PRICKLE2: variants seen among roughly 807,000 people sequenced by gnomAD.
PRICKLE2 encodes prickle planar cell polarity protein 2, also known as prickle-like protein 2.
In PRICKLE2, 21 loss-of-function variants were observed where a neutral mutation model predicts 81.4. The ratio of observed to expected loss-of-function variants is 0.26; its 90% CI spans 0.18 to 0.37. The LOEUF is 0.37. Ranked by LOEUF, PRICKLE2 falls within the 10% of genes least tolerant of loss-of-function variation. The pLI, the probability that PRICKLE2 is intolerant of heterozygous loss-of-function variation, is 1.00. For synonymous variants in PRICKLE2, 456 were observed against 421.5 expected (o/e 1.08, Z -1.00); for missense variants, 940 against 1,109.0 (o/e 0.85, Z 2.16).
intron 2 of PRICKLE2, among the ~76,000 whole-genome samples, chr3:64,182,879 G>C (rs564779799): frequency 2.6e-5 from 4 of 151,662 alleles, no homozygotes; most frequent in Admixed American, 6.6e-5. Flanking sequence ...AACTGGGAAG[G>C]CTTCATTAAA....
At chr3:64,124,685 C>T (rs1422821541) in intron 7 of PRICKLE2, among the ~76,000 whole-genome samples, 1 of 152,158 alleles carries the variant, frequency 6.6e-6, no homozygotes, top group Non-Finnish European at 1.5e-5. Context: ...TGGATGACAG[C>T]AAATAAGCTT....
intron 2 of PRICKLE2, among the ~76,000 whole-genome samples, chr3:64,188,627 T>C (rs566030057): frequency 6.6e-6 from 1 of 152,344 alleles, no homozygotes; most frequent in East Asian, 1.9e-4. Context: ...CCAGCTCAAA[T>C]GTCACTTCTG....
intron 3 of PRICKLE2, 131 bp downstream of exon 3, chr3:64,162,885 A>C: frequency 1.3e-6 from 1 of 779,064 alleles, no homozygotes; most frequent in African/African-American, 1.7e-5. Context: ...GCCCTAATTA[A>C]GGAAGCTAAA....
At chr3:64,211,580 A>C (rs2107136361) in intron 1 of PRICKLE2, among the ~76,000 whole-genome samples, 1 of 152,360 alleles carries the variant, frequency 6.6e-6, no homozygotes, top group Non-Finnish European at 1.5e-5. Flanking sequence ...AGAGGGAGAG[A>C]ATAAGCAGCA....
intron 7 of PRICKLE2, among the ~76,000 whole-genome samples, chr3:64,109,599 A>T (rs562120269): frequency 6.6e-6 from 1 of 152,094 alleles, no homozygotes; most frequent in African/African-American, 2.4e-5. Context: ...GGGGTGGGGG[A>T]GGAGGGGAGT....
At position 64,094,606 on chromosome 3, in the gene PRICKLE2, G is replaced by A. The variant is rs916412866; in HGVS notation, c.*4445C>T. 3 of 152,224 alleles carry A rather than the reference G, an allele frequency of 2.0e-5. No homozygotes were observed. Among genetic ancestry groups the A allele is most frequent in the Middle Eastern group, 3.2e-3 (1 of 316 alleles). 9.4% of individuals were successfully genotyped at this position (152,224 alleles called of 1,614,324 possible). A position where few individuals can be genotyped will look rare whatever the true frequency, so the allele number is the denominator to read the frequency against. Reference sequence around the variant, plus strand: ...CCCAATAGTGAGTCATATTTTATGGGAGTCTTGTGTTGACTAGGCTACTAT... The same window carrying A: ...CCCAATAGTGAGTCATATTTTATGGAAGTCTTGTGTTGACTAGGCTACTAT... On this transcript the variant is annotated 3_prime_UTR_variant, in exon 8 of 8. Transcript: ENST00000638394.
chr3:64,110,705 G>A (rs152292), intron 7 of PRICKLE2, among the ~76,000 whole-genome samples: 139,732 of 152,036 alleles, frequency 0.92, 65,177 homozygotes, highest in Non-Finnish European at 1. Flanking sequence ...TTTTGTACTA[G>A]AGAAGGTGCC....
At chr3:64,202,736 C>G (rs1482101440) in intron 1 of PRICKLE2, among the ~76,000 whole-genome samples, 4 of 147,842 alleles carry the variant, frequency 2.7e-5, no homozygotes, top group Admixed American at 6.8e-5. Flanking sequence ...TTACTTTTTC[C>G]TTTTTAATCT....
intron 2 of PRICKLE2, chr3:64,174,830 G>A (rs888245250): frequency 2.8e-5 from 6 of 214,496 alleles, no homozygotes; most frequent in East Asian, 2.2e-4. Flanking sequence ...AGAAAGAATG[G>A]TGATTTGGGC....
At position 64,099,710 on chromosome 3, in the gene PRICKLE2, T is replaced by G. The variant is rs1227637171; in HGVS notation, c.1876A>C (p.Asn626His). 3.1e-6 allele frequency: 5 copies of G among 1,614,088 alleles called. No individual in the cohort carries two copies. In the Admixed American group the frequency reaches 8.3e-5, roughly 27 times the overall value. The change falls in exon 8 of 8, where the codon AAC (asparagine) becomes CAC (histidine). Residue 626 changes from asparagine to histidine, a missense_variant. Physicochemically the swap from Asn to His is moderately conservative, Grantham distance 68 (BLOSUM62 1). Around this residue, in one of 2 missense-constraint regions of PRICKLE2, gnomAD observed 670 missense variants for 717.2 expected, o/e 0.93. Coordinates refer to ENST00000638394, the MANE Select transcript of PRICKLE2 (RefSeq NM_198859.4). This position sits in a 1 kb window ranked among gnomAD's most constrained non-coding sequence, Gnocchi z 4.3. ...EMEGNLHQLS[N>H]PIGYRDLQSH... ...TGCAGGTCTCTGTAGCCAATGGGGTTGCTGAGCTGGTGGAGGTTTCCCTCC... is the reference window on the plus strand; with the variant it reads ...TGCAGGTCTCTGTAGCCAATGGGGTGGCTGAGCTGGTGGAGGTTTCCCTCC...
At chr3:64,196,652 C>T (rs2078460119) in intron 2 of PRICKLE2, among the ~76,000 whole-genome samples, 1 of 152,140 alleles carries the variant, frequency 6.6e-6, no homozygotes, top group Non-Finnish European at 1.5e-5. Flanking sequence ...GCCTTCAATT[C>T]TCATGGAGAT....
chr3:64,147,294 T>G lies in PRICKLE2; in HGVS notation c.1196A>C (p.Glu399Ala). The change falls in exon 7 of 8, where the codon GAG becomes GCG. Residue 399 changes from glutamate to alanine, a missense_variant. Coordinates refer to ENST00000638394, the MANE Select transcript of PRICKLE2 (RefSeq NM_198859.4). This position sits in a 1 kb window ranked among gnomAD's most constrained non-coding sequence, Gnocchi z 5.0. ...CATCTTGTTCCCATAATGGTAGGGCTCTTCCCGGCTCCTCCAGATGGGGTC... is the reference window on the plus strand; with the variant it reads ...CATCTTGTTCCCATAATGGTAGGGCGCTTCCCGGCTCCTCCAGATGGGGTC... ...NRDPIWRSRE[E>A]PYHYGNKMEQ... 1 of 1,613,492 alleles carries G rather than the reference T, an allele frequency of 6.2e-7. No individual in the cohort carries two copies. Among genetic ancestry groups the G allele is most frequent in the Non-Finnish European group, 8.5e-7 (1 of 1,179,516 alleles).
chr3:64,176,089 A>G (rs1262044220), intron 2 of PRICKLE2, among the ~76,000 whole-genome samples: 2 of 152,194 alleles, frequency 1.3e-5, no homozygotes, highest in African/African-American at 2.4e-5. Context: ...GGGTAAGGGT[A>G]AGAGGCAGAT....
chr3:64,165,601 A>C (rs368457787), intron 2 of PRICKLE2, among the ~76,000 whole-genome samples: 6 of 151,786 alleles, frequency 4.0e-5, no homozygotes, highest in African/African-American at 1.2e-4. Context: ...TGTAGCCTTG[A>C]CCTCCTGGGC....
In PRICKLE2 at chr3:64,148,746, A is replaced by G. The variant is rs539332105; in HGVS notation, c.788-1044T>C. The stretch of plus-strand genomic sequence containing the variant: ...AGGGAGCCTGTTTGCTCCTTCCACT[A>G]TATGATGACTCTGCCAGAAAGTATC... On this transcript the variant is annotated intron_variant, in intron 6 of 7. Transcript: ENST00000638394. 1.4e-4 allele frequency among the ~76,000 whole-genome samples: 22 copies of G among 152,284 alleles called. No individual in the cohort carries two copies. In the South Asian group the frequency reaches 2.3e-3, roughly 16 times the overall value.
intron 1 of PRICKLE2, among the ~76,000 whole-genome samples, chr3:64,215,981 A>G (rs2078865637): frequency 6.6e-6 from 1 of 152,246 alleles, no homozygotes; most frequent in Non-Finnish European, 1.5e-5. Context: ...AAGAACTCCT[A>G]TGGCCTTGGC....
chr3:64,241,007 C>G (rs550219389), intron 2 of PRICKLE2, among the ~76,000 whole-genome samples: 1 of 152,110 alleles, frequency 6.6e-6, no homozygotes, highest in Non-Finnish European at 1.5e-5. Flanking sequence ...TGGGTCTACA[C>G]CAGAGGTCGA....
chr3:64,126,952 G>T (rs1441790680), intron 7 of PRICKLE2, among the ~76,000 whole-genome samples: 7 of 152,160 alleles, frequency 4.6e-5, no homozygotes, highest in East Asian at 1.9e-4. Context: ...TTCGCAAATA[G>T]TTCGTGAATG....
At chr3:64,194,759 T>C (rs1173857683) in intron 2 of PRICKLE2, among the ~76,000 whole-genome samples, 1 of 152,218 alleles carries the variant, frequency 6.6e-6, no homozygotes, top group Non-Finnish European at 1.5e-5. Context: ...AATTGAAGCC[T>C]TAAGAATGTC....
Sources: gnomAD v4.1 joint callset for allele counts (sites outside exome capture counted in the v4.1 genomes callset) on GRCh38, gnomAD v4.1.1 for gene constraint, gnomAD v4.1.1 regional missense constraint, Gnocchi (gnomAD v3.1) non-coding constraint, MANE v1.5 for transcripts, NCBI Gene and HGNC (gene_info 2026-07-23, HGNC 2026-07-21) for gene names.